The following PIEZO1 variants were observed in gnomAD, a reference collection of about 807,000 sequenced individuals.
The protein encoded by PIEZO1 is piezo type mechanosensitive ion channel component 1 (Er blood group).
PIEZO1 carries 296 observed loss-of-function variants against 297.2 expected under a neutral mutation model. The ratio of observed to expected loss-of-function variants is 1.00; its 90% CI spans 0.91 to 1.10. PIEZO1 has a LOEUF of 1.10. Among genes scored for constraint, PIEZO1 ranks in the 50% least tolerant of loss-of-function variants. The pLI, the probability that PIEZO1 is intolerant of heterozygous loss-of-function variation, is 0.00. For missense variants in PIEZO1, 5,018 were observed against 3,455.5 expected, an observed-to-expected ratio of 1.45 and a Z score of -11.34; for synonymous variants, 2,427 against 1,507.5, an observed-to-expected ratio of 1.61 and a Z score of -14.13.
intron 30 of PIEZO1, among the ~76,000 whole-genome samples, chr16:88,724,547 A>C (rs1904313573): frequency 6.7e-6 from 1 of 149,268 alleles, no homozygotes; most frequent in African/African-American, 2.5e-5. Flanking sequence ...AAAAAAAAAA[A>C]GGCCTGGAGT....
At chr16:88,783,026 T>G (rs1908006842) in intron 1 of PIEZO1, among the ~76,000 whole-genome samples, 1 of 152,198 alleles carries the variant, frequency 6.6e-6, no homozygotes, top group Non-Finnish European at 1.5e-5. Context: ...AGTTTTAGGT[T>G]TAAGGAAAGT....
intron 1 of PIEZO1, among the ~76,000 whole-genome samples, chr16:88,758,170 C>T (rs1236700090): frequency 6.6e-6 from 1 of 152,070 alleles, no homozygotes; most frequent in Non-Finnish European, 1.5e-5. Flanking sequence ...CCCGGACTCT[C>T]CTCCCACAAG....
chr16:88,716,935 A>C (rs1355589619), intron 45 of PIEZO1, 37 bp from the exon 46 acceptor site: 1 of 1,545,120 alleles, frequency 6.5e-7, no homozygotes, highest in Non-Finnish European at 8.7e-7. Flanking sequence ...CACGAAGATG[A>C]GCGTGGAGGA....
chr16:88,767,005 TCA>T (rs1907209697), intron 1 of PIEZO1, among the ~76,000 whole-genome samples: 1 of 152,214 alleles, frequency 6.6e-6, no homozygotes, highest in Non-Finnish European at 1.5e-5. Context: ...CCCAAGGTCC[TCA>T]CAGTCAGCCT....
chr16:88,724,414 C>T (rs567962894), intron 30 of PIEZO1, among the ~76,000 whole-genome samples: 39 of 152,122 alleles, frequency 2.6e-4, no homozygotes, highest in Middle Eastern at 3.4e-3. Flanking sequence ...ACCTGTAATC[C>T]CAGCTACTTG....
At chr16:88,784,715 G>C (rs1908098710) in intron 1 of PIEZO1, among the ~76,000 whole-genome samples, 186 bp downstream of exon 1, 1 of 151,624 alleles carries the variant, frequency 6.6e-6, no homozygotes, top group Non-Finnish European at 1.5e-5. Flanking sequence ...CCTGGGACAG[G>C]AGCCCCGCCG....
rs772788410 is a variant in PIEZO1, at chr16:88,723,932, C to T, written c.4274G>A (p.Ser1425Asn). The part of the protein sequence containing the change: ...SGDYFLFESD[S>N]EEEEEAVPED... ...AGGAACAGCCTCCTCCTCTTCCTCA[C>T]TGTCGGACTCAAACAGGAAGTAGTC... The change falls in exon 31 of 51, where the codon AGT (serine) becomes AAT (asparagine). Residue 1425 changes from serine (S) to asparagine (N), a missense_variant. Coordinates refer to ENST00000301015, the MANE Select transcript of PIEZO1 (RefSeq NM_001142864.4). The T allele has an allele frequency of 3.5e-4, 535 of 1,549,894 alleles. 2 individuals are homozygous for T. The highest frequency in any genetic ancestry group is 3.2e-3 in the Middle Eastern group (19 of 5,988).
At chr16:88,724,718 C>A (rs73264709) in intron 30 of PIEZO1, among the ~76,000 whole-genome samples, 1 of 152,082 alleles carries the variant, frequency 6.6e-6, no homozygotes, top group East Asian at 1.9e-4. Flanking sequence ...AACAGAATAA[C>A]GCAGTGCTGC....
In PIEZO1 at chr16:88,732,330, C is replaced by T. The variant is rs759946286; in HGVS notation, c.2991+5G>A. The T allele has an allele frequency of 1.2e-5, 18 of 1,548,470 alleles. No individual in the cohort carries two copies. The South Asian group carries it at 1.5e-4, about 13-fold the overall frequency. Reference sequence around the variant, plus strand: ...CCCCAGGGGGAGGCAATGTCCTTGCCTCACCTCCAGCCCGAATTTGTAGAA... The same window carrying T: ...CCCCAGGGGGAGGCAATGTCCTTGCTTCACCTCCAGCCCGAATTTGTAGAA... On this transcript the variant is annotated splice_donor_5th_base_variant and intron_variant, in intron 21 of 50. Coordinates refer to ENST00000301015, the MANE Select transcript of PIEZO1 (RefSeq NM_001142864.4).
At chr16:88,749,554 G>C in intron 1 of PIEZO1, 75 bp from the exon 2 acceptor site, 1 of 1,123,474 alleles carries the variant, frequency 8.9e-7, no homozygotes, top group Non-Finnish European at 1.3e-6. Context: ...GCGCACCCAC[G>C]GCCCAGCTCG....
At chr16:88,725,931 G>T in intron 27 of PIEZO1, 1 of 571,252 alleles carries the variant, frequency 1.8e-6, no homozygotes, top group Non-Finnish European at 3.1e-6. Flanking sequence ...CTGCAGGGAA[G>T]AAGGCAAAGC....
intron 22 of PIEZO1, among the ~76,000 whole-genome samples, chr16:88,728,141 G>C (rs1446565207): frequency 6.6e-6 from 1 of 152,246 alleles, no homozygotes; most frequent in African/African-American, 2.4e-5. Flanking sequence ...AAAGAAGCCA[G>C]ACCTAAAGGC....
rs778345834 is a variant in PIEZO1 at position 88,737,560 on chromosome 16, A to T, written c.1194T>A (p.Pro398=). 1 of 1,530,518 alleles carries T rather than the reference A, an allele frequency of 6.5e-7. No homozygotes were observed. Among genetic ancestry groups the T allele is most frequent in the South Asian group, 1.2e-5 (1 of 83,902 alleles). 94.8% of individuals were successfully genotyped at this position (1,530,518 alleles called of 1,614,324 possible). Reference sequence around the variant, plus strand: ...TACCTTGCAGTGTGCGGTACTCACCAGGCCGCCGCAGGACGGAGCTCTGGC... The same window carrying T: ...TACCTTGCAGTGTGCGGTACTCACCTGGCCGCCGCAGGACGGAGCTCTGGC... ...LTGQSSVLRR[P]VRPKRAEPRE... The change falls in exon 10 of 51, where the codon CCT becomes CCA. Residue 398 remains proline, a splice_region_variant and synonymous_variant. Coordinates refer to ENST00000301015, the MANE Select transcript of PIEZO1 (RefSeq NM_001142864.4).
chr16:88,758,772 G>A (rs978881259), intron 1 of PIEZO1, among the ~76,000 whole-genome samples: 2 of 152,204 alleles, frequency 1.3e-5, no homozygotes, highest in Non-Finnish European at 2.9e-5. Flanking sequence ...TAGTTTGTTC[G>A]TCTATAAATC....
chr16:88,742,183 T>C, intron 3 of PIEZO1, 88 bp from the exon 4 acceptor site: 1 of 1,509,952 alleles, frequency 6.6e-7, no homozygotes, highest in Non-Finnish European at 8.9e-7. Context: ...ACCTGGACCA[T>C]CCAGGCCAGA....
intron 10 of PIEZO1, 121 bp downstream of exon 10, chr16:88,737,438 G>T (rs760364283): frequency 1.3e-4 from 85 of 663,488 alleles, no homozygotes; most frequent in Non-Finnish European, 1.5e-4. Flanking sequence ...GGGCCCCCGA[G>T]GGGGCGGCAG....
chr16:88,737,299 C>T (rs889675573), intron 10 of PIEZO1: 13 of 447,754 alleles, frequency 2.9e-5, no homozygotes, highest in African/African-American at 2.3e-4. Flanking sequence ...GGAGGCCCCC[C>T]ATGGGGTCTT....
chr16:88,776,122 C>T (rs2142905883), intron 1 of PIEZO1, among the ~76,000 whole-genome samples: 1 of 151,558 alleles, frequency 6.6e-6, no homozygotes, highest in Middle Eastern at 3.4e-3. Context: ...CCCGAGATCC[C>T]ACACTGTGGT....
chr16:88,731,127 C>T (rs75331595), intron 22 of PIEZO1: 91 of 156,958 alleles, frequency 5.8e-4, no homozygotes, highest in African/African-American at 1.2e-3. Flanking sequence ...GGCCTCCCTC[C>T]GGAACTTCCC....
Sources: allele counts gnomAD v4.1 joint callset (sites outside exome capture counted in the v4.1 genomes callset), GRCh38; gene constraint gnomAD v4.1.1; transcripts MANE v1.5; gene names NCBI Gene and HGNC (gene_info 2026-07-23, HGNC 2026-07-21).